Variants in GABBR2 observed in about 807,000 individuals in gnomAD.
The protein encoded by GABBR2 is G-protein coupled receptor 51.
GABBR2 carries 23 observed loss-of-function variants against 105.6 expected under a neutral mutation model. The ratio of observed to expected loss-of-function variants is 0.22; its 90% CI spans 0.16 to 0.31. The LOEUF (loss-of-function observed/expected upper bound fraction) is 0.31, where lower values mean the gene tolerates loss of function less well. Ranked by LOEUF, GABBR2 falls within the 10% of genes least tolerant of loss-of-function variation. The pLI is 1.00. For missense variants in GABBR2, 734 were observed against 1,245.5 expected (o/e 0.59, Z 6.18); for synonymous variants, 478 against 499.7 (o/e 0.96, Z 0.58).
At chr9:98,396,797 C>T (rs748301123) in intron 8 of GABBR2, among the ~76,000 whole-genome samples, 3 of 152,176 alleles carry the variant, frequency 2.0e-5, no homozygotes, top group Non-Finnish European at 2.9e-5. Flanking sequence ...CACCGCACCC[C>T]GGCCACACAG....
rs886288539 is a variant in GABBR2, at chr9:98,325,283, C to CTTTTTTTT, written c.1894-14086_1894-14079dup. On this transcript the variant is annotated intron_variant, in intron 13 of 18. Transcript: ENST00000259455. Reference sequence around the variant, plus strand: ...TTCCCTTGGCTCTAGGACAGCAATTCTTTTTTTTTTTTTTTTTTTTTTTTT... The same window carrying CTTTTTTTT: ...TTCCCTTGGCTCTAGGACAGCAATTCTTTTTTTTTTTTTTTTTTTTTTTTTTTTTTTTT... 3.0e-5 allele frequency among the ~76,000 whole-genome samples: 2 copies of CTTTTTTTT among 67,618 alleles called. 1 individual carries two copies. Among genetic ancestry groups the CTTTTTTTT allele is most frequent in the African/African-American group, 1.3e-4 (2 of 15,910 alleles). The allele number at this position is 67,618 out of a possible 152,430, so 44.4% of individuals were successfully genotyped here.
chr9:98,436,392 T>TAG (rs1564068329), intron 7 of GABBR2, among the ~76,000 whole-genome samples: 5 of 48,548 alleles, frequency 1.0e-4, no homozygotes, highest in African/African-American at 4.0e-4. Context: ...TATATATATA[T>TAG]ATATATATAT....
Position 98,391,459 on chromosome 9 carries a change from G to A in GABBR2, c.1379-2455C>T, listed in dbSNP as rs138015179. ...CTAACTACTACACAAACTGCTGCCC[G>A]TGACGCTGGGGTCCAGGTGATGTGA... is the stretch of plus-strand genomic sequence containing the variant. On this transcript the variant is annotated intron_variant, in intron 9 of 18. Transcript: ENST00000259455. Among the ~76,000 whole-genome samples, 25 of 152,294 alleles carry A rather than the reference G, an allele frequency of 1.6e-4. No homozygotes were observed. In the East Asian group the frequency reaches 1.9e-3, roughly 12 times the overall value.
chr9:98,332,690 A>T (rs941107233), intron 13 of GABBR2, among the ~76,000 whole-genome samples: 4 of 152,196 alleles, frequency 2.6e-5, no homozygotes, highest in Non-Finnish European at 5.9e-5. Context: ...ATATATTTTT[A>T]ATAATTGGTA....
intron 17 of GABBR2, among the ~76,000 whole-genome samples, chr9:98,297,306 C>T (rs991427636): frequency 2.3e-4 from 35 of 152,168 alleles, no homozygotes; most frequent in African/African-American, 8.4e-4. Context: ...AGACCACTTA[C>T]TACTTATATA....
intron 1 of GABBR2, among the ~76,000 whole-genome samples, chr9:98,697,420 G>C (rs1482616523): frequency 6.6e-6 from 1 of 152,054 alleles, no homozygotes; most frequent in Non-Finnish European, 1.5e-5. Context: ...GAACACGGGA[G>C]GCGGAGTTTG....
intron 6 of GABBR2, among the ~76,000 whole-genome samples, chr9:98,468,045 A>G (rs1010544150): frequency 3.9e-5 from 6 of 152,204 alleles, no homozygotes; most frequent in Non-Finnish European, 8.8e-5. Flanking sequence ...GAAGGAGCCA[A>G]TGTTGGGCCC....
At chr9:98,460,141 C>T (rs1165370885) in intron 6 of GABBR2, among the ~76,000 whole-genome samples, 2 of 152,212 alleles carry the variant, frequency 1.3e-5, no homozygotes, top group East Asian at 3.8e-4. Context: ...AATGGTGGCT[C>T]ACGCCTGTAT....
intron 1 of GABBR2, among the ~76,000 whole-genome samples, chr9:98,593,293 T>A (rs373100624): frequency 1.3e-4 from 20 of 152,114 alleles, no homozygotes; most frequent in African/African-American, 4.8e-4. Flanking sequence ...TTCTCAAGAG[T>A]GCTTCGACCT....
At chr9:98,678,389 T>C (rs1003927622) in intron 1 of GABBR2, among the ~76,000 whole-genome samples, 3 of 152,148 alleles carry the variant, frequency 2.0e-5, no homozygotes, top group Non-Finnish European at 4.4e-5. Context: ...CCCAAACATA[T>C]AGAATGCGCC....
intron 13 of GABBR2, among the ~76,000 whole-genome samples, chr9:98,315,818 G>A (rs184105852): frequency 3.2e-4 from 49 of 152,312 alleles, no homozygotes; most frequent in African/African-American, 1.2e-3. Flanking sequence ...GGCCGGAAAC[G>A]GTGAAGCTGT....
At chr9:98,598,971 G>T (rs13284800) in intron 1 of GABBR2, among the ~76,000 whole-genome samples, 52,938 of 151,904 alleles carry the variant, frequency 0.35, 9,803 homozygotes, top group African/African-American at 0.45. Flanking sequence ...TACCTCCTTA[G>T]CCCTCTGAAG....
intron 4 of GABBR2, among the ~76,000 whole-genome samples, chr9:98,492,505 T>C (rs560981012): frequency 6.6e-6 from 1 of 152,250 alleles, no homozygotes; most frequent in Admixed American, 6.5e-5. Context: ...GAATAAATAT[T>C]GATGTTATTA....
chr9:98,363,361 C>G (rs1831621742), intron 12 of GABBR2, among the ~76,000 whole-genome samples: 1 of 152,108 alleles, frequency 6.6e-6, no homozygotes, highest in South Asian at 2.1e-4. Flanking sequence ...CTGTGCCTGC[C>G]TCTAGGTTGA....
rs59801006 is a variant in GABBR2, at chr9:98,539,906, C to T, written c.630+1967G>A. ...ACTCCAGCCTGGTGACAGAGTGAGACTTCGTCTAAAAAAAAAAAAAAAAAA... is the reference window on the plus strand; with the variant it reads ...ACTCCAGCCTGGTGACAGAGTGAGATTTCGTCTAAAAAAAAAAAAAAAAAA... On this transcript the variant is annotated intron_variant, in intron 3 of 18. Coordinates refer to ENST00000259455, the MANE Select transcript of GABBR2 (RefSeq NM_005458.8). Among the ~76,000 whole-genome samples the T allele has an allele frequency of 3.1e-3, 407 of 131,692 alleles. 2 individuals are homozygous for T. Among genetic ancestry groups the T allele is most frequent in the African/African-American group, 0.012 (391 of 33,714 alleles). The allele number at this position is 131,692 out of a possible 152,430, so 86.4% of individuals were successfully genotyped here. A position where few individuals can be genotyped will look rare whatever the true frequency, so the allele number is the denominator to read the frequency against.
At chr9:98,654,715 A>T (rs988512472) in intron 1 of GABBR2, among the ~76,000 whole-genome samples, 1 of 152,228 alleles carries the variant, frequency 6.6e-6, no homozygotes, top group Non-Finnish European at 1.5e-5. Context: ...CATCATGTGT[A>T]TGAAGACACA....
At chr9:98,409,578 C>G (rs1832548881) in intron 7 of GABBR2, among the ~76,000 whole-genome samples, 1 of 152,196 alleles carries the variant, frequency 6.6e-6, no homozygotes, top group Non-Finnish European at 1.5e-5. Context: ...GGAGGCCCTC[C>G]TCCCCAGCGG....
chr9:98,408,638 T>C (rs1274647825), intron 7 of GABBR2, among the ~76,000 whole-genome samples: 2 of 152,228 alleles, frequency 1.3e-5, no homozygotes, highest in African/African-American at 4.8e-5. Context: ...GCGTGCTCGA[T>C]ACCCTTCTAG....
chr9:98,647,016 C>A (rs1830034958), intron 1 of GABBR2, among the ~76,000 whole-genome samples: 2 of 152,178 alleles, frequency 1.3e-5, no homozygotes, highest in Admixed American at 6.5e-5. Context: ...AGGGCAGTAC[C>A]AGGCACAATG....
Sources: allele counts gnomAD v4.1 joint callset (sites outside exome capture counted in the v4.1 genomes callset), GRCh38; gene constraint gnomAD v4.1.1; transcripts MANE v1.5; gene names NCBI Gene and HGNC (gene_info 2026-07-23, HGNC 2026-07-21).